INPP5A: variants seen among roughly 807,000 people sequenced by gnomAD.
INPP5A encodes 43 kDa inositol polyphosphate 5-phophatase.
INPP5A carries 14 observed loss-of-function variants against 65.2 expected under a neutral mutation model. The ratio of observed to expected loss-of-function variants is 0.21; its 90% CI spans 0.14 to 0.34. INPP5A has a LOEUF of 0.34. Ranked by LOEUF, INPP5A falls within the 10% of genes least tolerant of loss-of-function variation. INPP5A has a pLI of 1.00. For synonymous variants in INPP5A, 207 were observed against 208.3 expected, an observed-to-expected ratio of 0.99 and a Z score of 0.05; for missense variants, 431 against 545.6, an observed-to-expected ratio of 0.79 and a Z score of 2.09.
At chr10:132,777,870 G>T in intron 13 of INPP5A, 88 bp downstream of exon 13, 2 of 1,553,606 alleles carry the variant, frequency 1.3e-6, no homozygotes, top group Non-Finnish European at 1.7e-6. Flanking sequence ...GGGCCCCAGG[G>T]GTGGGGGCAC....
chr10:132,783,134 TC>T lies in INPP5A; in HGVS notation c.*1106del, dbSNP rs1847196994. The stretch of plus-strand genomic sequence containing the variant: ...GTCATAACCTTGTTGCAAATATTTT[TC>T]TCCTATAGCAGTAAGTACAGCATTA... On this transcript the variant is annotated 3_prime_UTR_variant, in exon 16 of 16. Transcript: ENST00000368594. 6.6e-6 allele frequency: 1 copy of T among 152,438 alleles called. No individual in the cohort carries two copies. Among genetic ancestry groups the T allele is most frequent in the Non-Finnish European group, 1.5e-5 (1 of 68,048 alleles). 9.4% of individuals were successfully genotyped at this position (152,438 alleles called of 1,614,324 possible).
intron 2 of INPP5A, among the ~76,000 whole-genome samples, chr10:132,630,701 T>G (rs1294792678): frequency 9.4e-6 from 1 of 106,622 alleles, no homozygotes; most frequent in African/African-American, 3.9e-5. Context: ...AGTGAAAGTG[T>G]CCATGAGGGT....
At chr10:132,685,182 C>T (rs1026413025) in intron 4 of INPP5A, among the ~76,000 whole-genome samples, 1 of 152,262 alleles carries the variant, frequency 6.6e-6, no homozygotes, top group African/African-American at 2.4e-5. Context: ...TGTTGATAAG[C>T]ACGGTCGGCC....
chr10:132,654,528 C>T (rs1041017942), intron 4 of INPP5A, among the ~76,000 whole-genome samples: 3 of 152,190 alleles, frequency 2.0e-5, no homozygotes, highest in East Asian at 3.9e-4. Flanking sequence ...GTCTGTGTGG[C>T]GGGGCCTGAC....
At chr10:132,633,591 G>A (rs1240006547) in intron 2 of INPP5A, among the ~76,000 whole-genome samples, 1 of 152,136 alleles carries the variant, frequency 6.6e-6, no homozygotes, top group African/African-American at 2.4e-5. Flanking sequence ...CAAGCAGGAC[G>A]TTGGTAAGAA....
rs1000176378 is a variant in INPP5A, at chr10:132,575,730, C to CGGTTCCCT, written c.76-32183_76-32176dup. ...CCTGGCCCTCAGGACAGCCTTTCCC[C>CGGTTCCCT]GGTTCCCTGTGTCCCTCTGGCCGTG... On this transcript the variant is annotated intron_variant, in intron 1 of 15. Coordinates refer to ENST00000368594, the MANE Select transcript of INPP5A (RefSeq NM_005539.5). The surrounding 1 kb of genome is among the most constrained non-coding windows in gnomAD (Gnocchi z 5.4). 6.6e-6 allele frequency among the ~76,000 whole-genome samples: 1 copy of CGGTTCCCT among 152,136 alleles called. No homozygotes were observed. Among genetic ancestry groups the CGGTTCCCT allele is most frequent in the Admixed American group, 6.5e-5 (1 of 15,282 alleles).
chr10:132,770,052 C>T (rs1022304778), intron 12 of INPP5A, among the ~76,000 whole-genome samples: 1 of 152,198 alleles, frequency 6.6e-6, no homozygotes, highest in Non-Finnish European at 1.5e-5. Flanking sequence ...TAGCATTTCT[C>T]ACGAAACCCC....
intron 4 of INPP5A, among the ~76,000 whole-genome samples, chr10:132,664,225 G>A (rs375763655): frequency 6.6e-6 from 1 of 152,256 alleles, no homozygotes; most frequent in South Asian, 2.1e-4. Flanking sequence ...AAATTCTTGC[G>A]GGTCCCTCAG....
At chr10:132,688,644 A>AGT (rs533242086) in intron 4 of INPP5A, among the ~76,000 whole-genome samples, 5 of 150,616 alleles carry the variant, frequency 3.3e-5, no homozygotes, top group South Asian at 4.2e-4. Context: ...CGTGTGCATG[A>AGT]GTGTGTGTGC....
chr10:132,750,431 C>T lies in INPP5A; in HGVS notation c.903+586C>T, dbSNP rs1478941148. 2.6e-5 allele frequency among the ~76,000 whole-genome samples: 4 copies of T among 152,374 alleles called. No homozygotes were observed. The South Asian group carries it at 8.3e-4, about 32-fold the overall frequency. ...AGGTCGGTCCACGGAGAGGTGGCCC[C>T]TGCCAGTGAGAGACAGCCCCGGCTG... is the stretch of plus-strand genomic sequence containing the variant. On this transcript the variant is annotated intron_variant, in intron 11 of 15. Coordinates refer to ENST00000368594, the MANE Select transcript of INPP5A (RefSeq NM_005539.5).
chr10:132,698,745 T>C lies in INPP5A; in HGVS notation c.474+826T>C, dbSNP rs1395815215. On this transcript the variant is annotated intron_variant, in intron 6 of 15. Coordinates refer to ENST00000368594, the MANE Select transcript of INPP5A (RefSeq NM_005539.5). The surrounding 1 kb of genome is among the most constrained non-coding windows in gnomAD (Gnocchi z 5.5). ...CGCAGGTTTGGGGGCGTCCAGGCTG[T>C]GATATAGGAGCTCTCGTCCGGACTT... Among the ~76,000 whole-genome samples the C allele has an allele frequency of 6.6e-6, 1 of 152,030 alleles. No individual in the cohort carries two copies. Among genetic ancestry groups the C allele is most frequent in the Non-Finnish European group, 1.5e-5 (1 of 68,006 alleles).
In INPP5A at chr10:132,704,724, TGGACGTGTG is replaced by T. The variant is rs1291141784; in HGVS notation, c.475-3585_475-3577del. Among the ~76,000 whole-genome samples, 1 of 152,190 alleles carries T rather than the reference TGGACGTGTG, an allele frequency of 6.6e-6. No individual in the cohort carries two copies. Among genetic ancestry groups the T allele is most frequent in the Non-Finnish European group, 1.5e-5 (1 of 68,034 alleles). On this transcript the variant is annotated intron_variant, in intron 6 of 15. Transcript: ENST00000368594. This position sits in a 1 kb window ranked among gnomAD's most constrained non-coding sequence, Gnocchi z 4.5. ...CTCCCCGGAAAGTGCAGGCTGGATT[TGGACGTGTG>T]GGAGATGGAGGAAGGGCGTCTAGTC... is the stretch of plus-strand genomic sequence containing the variant.
intron 11 of INPP5A, among the ~76,000 whole-genome samples, chr10:132,758,198 C>T (rs532643737): frequency 3.1e-5 from 3 of 95,938 alleles, no homozygotes; most frequent in South Asian, 4.0e-4. Flanking sequence ...CGTGGGTCCC[C>T]GGCCGACCCC....
chr10:132,720,495 A>G (rs1845849538), intron 8 of INPP5A, among the ~76,000 whole-genome samples: 1 of 149,116 alleles, frequency 6.7e-6, no homozygotes, highest in South Asian at 2.1e-4. Context: ...GGTGCCTTAG[A>G]CAGCTGTCTT....
At chr10:132,661,162 T>A (rs887399123) in intron 4 of INPP5A, among the ~76,000 whole-genome samples, 14 of 152,172 alleles carry the variant, frequency 9.2e-5, no homozygotes. Context: ...GTGATATGGT[T>A]TCAAAAACAC....
At chr10:132,743,123 TC>T (rs1487188462) in intron 9 of INPP5A, among the ~76,000 whole-genome samples, 2 of 152,262 alleles carry the variant, frequency 1.3e-5, no homozygotes, top group East Asian at 3.9e-4. Context: ...AAATGTGTCT[TC>T]AAGGCCACCC....
chr10:132,582,072 C>G (rs1332415058), intron 1 of INPP5A, among the ~76,000 whole-genome samples: 1 of 152,124 alleles, frequency 6.6e-6, no homozygotes, highest in African/African-American at 2.4e-5. Context: ...ATCTCCTGAC[C>G]TCATGATCTG....
intron 2 of INPP5A, among the ~76,000 whole-genome samples, chr10:132,638,670 T>C (rs1236723986): frequency 1.3e-5 from 2 of 152,196 alleles, no homozygotes; most frequent in Non-Finnish European, 2.9e-5. Context: ...TGGGCTTATG[T>C]GATTCTCCTG....
rs568317829 is a variant in INPP5A at position 132,777,919 on chromosome 10, G to A, written c.1089+137G>A. ...TGCTGCCAGGTTGGGCCCTGACCTC[G>A]TGCTGCCATGAGCTGCACCCCAGCA... On this transcript the variant is annotated intron_variant, in intron 13 of 15. Coordinates refer to ENST00000368594, the MANE Select transcript of INPP5A (RefSeq NM_005539.5). The A allele has an allele frequency of 3.6e-5, 54 of 1,498,222 alleles. No homozygotes were observed. In the East Asian group the frequency reaches 6.4e-4, roughly 18 times the overall value. 92.8% of individuals were successfully genotyped at this position (1,498,222 alleles called of 1,614,324 possible).
Sources: allele counts gnomAD v4.1 joint callset (sites outside exome capture counted in the v4.1 genomes callset), GRCh38; gene constraint gnomAD v4.1.1; non-coding constraint Gnocchi (gnomAD v3.1); transcripts MANE v1.5; gene names NCBI Gene and HGNC (gene_info 2026-07-23, HGNC 2026-07-21).